ANXA4: variants seen among roughly 807,000 people sequenced by gnomAD.
The protein encoded by ANXA4 is annexin A4.
ANXA4 carries 39 observed loss-of-function variants against 49.8 expected under a neutral mutation model. The ratio of observed to expected loss-of-function variants is 0.78; its 90% CI spans 0.61 to 1.02. The LOEUF (loss-of-function observed/expected upper bound fraction) is 1.02, where lower values mean the gene tolerates loss of function less well. Among genes scored for constraint, ANXA4 ranks in the 50% least tolerant of loss-of-function variants. The pLI is 0.00. For missense variants in ANXA4, 360 were observed against 410.1 expected (o/e 0.88, Z 1.05); for synonymous variants, 134 against 152.5 (o/e 0.88, Z 0.89).
At chr2:69,819,067 C>T (rs1674122477) in intron 10 of ANXA4, among the ~76,000 whole-genome samples, 1 of 152,204 alleles carries the variant, frequency 6.6e-6, no homozygotes. Flanking sequence ...TTATCAATTA[C>T]TTCTCCAGGA....
upstream of ANXA4, among the ~76,000 whole-genome samples, chr2:69,737,781 C>T (rs959154838): frequency 6.6e-6 from 1 of 152,032 alleles, no homozygotes; most frequent in Non-Finnish European, 1.5e-5. Flanking sequence ...TTTATTTGAT[C>T]TTTCTCAGAG....
upstream of ANXA4, among the ~76,000 whole-genome samples, chr2:69,738,527 A>C: frequency 1.3e-5 from 2 of 149,524 alleles, no homozygotes. Flanking sequence ...ACCCCTCCCC[A>C]CTCAGGGATG....
intron 2 of ANXA4, among the ~76,000 whole-genome samples, chr2:69,657,023 G>A (rs561854372): frequency 1.7e-3 from 254 of 145,616 alleles, no homozygotes; most frequent in African/African-American, 6.3e-3. Flanking sequence ...TTGAGGTGGA[G>A]TCTCTCTGTC....
intron 1 of ANXA4, among the ~76,000 whole-genome samples, chr2:69,744,336 AGAG>A (rs1158897125): frequency 1.3e-5 from 2 of 152,204 alleles, no homozygotes; most frequent in South Asian, 2.1e-4. Flanking sequence ...AACAAAAACA[AGAG>A]GAGGAGATTT....
rs187374804 is a variant in ANXA4, at chr2:69,653,752, T to C, written n.766+470T>C. 1.8e-3 allele frequency among the ~76,000 whole-genome samples: 281 copies of C among 152,324 alleles called. 1 individual carries two copies. The highest frequency in any genetic ancestry group is 6.5e-3 in the African/African-American group (270 of 41,580). On this transcript the variant is annotated intron_variant and non_coding_transcript_variant, in intron 2 of 3. Coordinates refer to the ANXA4 transcript ENST00000418066. Reference sequence around the variant, plus strand: ...GCACCAGTCCTTAGCCATGCCTCCTTGTGAAGTTTTAAAATATGATGCTTG... The same window carrying C: ...GCACCAGTCCTTAGCCATGCCTCCTCGTGAAGTTTTAAAATATGATGCTTG...
At chr2:69,691,110 T>G (rs1677949694) in intron 2 of ANXA4, among the ~76,000 whole-genome samples, 1 of 151,960 alleles carries the variant, frequency 6.6e-6, no homozygotes, top group South Asian at 2.1e-4. Context: ...CCTTTCTCTT[T>G]CTGGTACAGT....
At chr2:69,785,670 G>A (rs190569996) in intron 2 of ANXA4, among the ~76,000 whole-genome samples, 17 of 152,014 alleles carry the variant, frequency 1.1e-4, no homozygotes, top group East Asian at 1.9e-4. Flanking sequence ...GTTATTATTC[G>A]CAACATACAA....
intron 8 of ANXA4, chr2:69,815,860 T>C (rs940781453): frequency 2.0e-6 from 1 of 493,200 alleles, no homozygotes; most frequent in Non-Finnish European, 3.7e-6. Context: ...TAGAACCATG[T>C]AGTCTCCAGC....
chr2:69,806,638 T>C (rs1673454996), intron 5 of ANXA4, 140 bp downstream of exon 5: 2 of 657,020 alleles, frequency 3.0e-6, no homozygotes, highest in South Asian at 1.8e-5. Context: ...GAAAATGTGG[T>C]ACATGTACAC....
intron 1 of ANXA4, among the ~76,000 whole-genome samples, chr2:69,748,634 A>G (rs1670717730): frequency 6.6e-6 from 1 of 151,382 alleles, no homozygotes; most frequent in Middle Eastern, 3.2e-3. Context: ...TTTCCCCCAT[A>G]TTATACATGA....
At chr2:69,754,657 T>G (rs1169383836) in intron 1 of ANXA4, among the ~76,000 whole-genome samples, 1 of 152,204 alleles carries the variant, frequency 6.6e-6, no homozygotes, top group Non-Finnish European at 1.5e-5. Flanking sequence ...TTGAACAAGG[T>G]CCCAGGTGAT....
intron 2 of ANXA4, among the ~76,000 whole-genome samples, chr2:69,696,731 A>G (rs938059190): frequency 1.3e-5 from 2 of 152,254 alleles, no homozygotes; most frequent in Non-Finnish European, 2.9e-5. Context: ...GTTAGCAGGC[A>G]TGAAAACAAC....
At chr2:69,673,684 A>C (rs1033762812) in intron 2 of ANXA4, among the ~76,000 whole-genome samples, 1 of 129,626 alleles carries the variant, frequency 7.7e-6, no homozygotes, top group Non-Finnish European at 1.6e-5. Flanking sequence ...CATTTTTTTC[A>C]AAGACACACA....
intron 1 of ANXA4, among the ~76,000 whole-genome samples, chr2:69,778,164 G>A (rs1353963855): frequency 6.6e-6 from 1 of 152,182 alleles, no homozygotes; most frequent in Non-Finnish European, 1.5e-5. Context: ...ATGAGCTACT[G>A]TGGTTTGCCG....
Position 69,806,499 on chromosome 2 carries a change from G to A in ANXA4, c.306+1G>A, listed in dbSNP as rs1006154816. ...GCAAGAGCTGCGAAGGGCCATGAAG[G>A]TCTGTGCTCTTCCTCTCGTGCTCTT... On this transcript the variant is annotated splice_donor_variant, in intron 5 of 12. Coordinates refer to ENST00000394295, the MANE Select transcript of ANXA4 (RefSeq NM_001153.5). LOFTEE classifies it high-confidence loss of function. 2.2e-5 allele frequency: 36 copies of A among 1,611,858 alleles called. No individual in the cohort carries two copies. The highest frequency in any genetic ancestry group is 3.1e-5 in the Non-Finnish European group (36 of 1,177,968).
intron 2 of ANXA4, among the ~76,000 whole-genome samples, chr2:69,673,581 A>T (rs1677276446): frequency 6.6e-6 from 1 of 151,930 alleles, no homozygotes; most frequent in Non-Finnish European, 1.5e-5. Context: ...GGCACAGCAA[A>T]CCACCATGGC....
chr2:69,742,664 G>T (rs1670445866), intron 1 of ANXA4, among the ~76,000 whole-genome samples: 1 of 152,134 alleles, frequency 6.6e-6, no homozygotes, highest in Non-Finnish European at 1.5e-5. Flanking sequence ...ACAGTGCCCG[G>T]CACATCGGAG....
chr2:69,746,234 A>G (rs898913585), intron 1 of ANXA4, among the ~76,000 whole-genome samples: 3 of 151,582 alleles, frequency 2.0e-5, no homozygotes, highest in African/African-American at 7.3e-5. Flanking sequence ...GTGGTCTCAA[A>G]CCCCTGACCT....
At chr2:69,675,557 A>C (rs1313435706) in intron 2 of ANXA4, among the ~76,000 whole-genome samples, 1 of 152,200 alleles carries the variant, frequency 6.6e-6, no homozygotes, top group Non-Finnish European at 1.5e-5. Context: ...TAGAGAAAAG[A>C]CTTGTTTAGA....
Sources: gnomAD v4.1 joint callset for allele counts (sites outside exome capture counted in the v4.1 genomes callset) on GRCh38, gnomAD v4.1.1 for gene constraint, MANE v1.5 for transcripts, NCBI Gene and HGNC (gene_info 2026-07-23, HGNC 2026-07-21) for gene names.